The following TASP1 variants were observed in gnomAD, a reference collection of about 807,000 sequenced individuals.
TASP1 encodes threonine aspartase 1.
TASP1 carries 16 observed loss-of-function variants against 56.6 expected under a neutral mutation model. The ratio of observed to expected loss-of-function variants is 0.28; its 90% CI spans 0.19 to 0.43. TASP1 has a LOEUF of 0.43. Among genes scored for constraint, TASP1 ranks in the 20% least tolerant of loss-of-function variants. The probability of loss-of-function intolerance (pLI) is 1.00; values close to 1 mark genes in which losing one functional copy is unlikely to be tolerated. For synonymous variants in TASP1, 179 were observed against 184.2 expected (o/e 0.97, Z 0.23); for missense variants, 393 against 511.6 (o/e 0.77, Z 2.24).
chr20:13,195,321 C>T, the TASP1 span, among the ~76,000 whole-genome samples: 1 of 152,208 alleles, frequency 6.6e-6, no homozygotes, highest in Admixed American at 6.5e-5. Flanking sequence ...CCTGTTTGCA[C>T]CACACAACTT....
the TASP1 span, among the ~76,000 whole-genome samples, chr20:13,310,407 C>A: frequency 6.6e-6 from 1 of 152,094 alleles, no homozygotes; most frequent in Non-Finnish European, 1.5e-5. Context: ...TATCTCACCC[C>A]ACATATAATA....
chr20:13,377,830 A>T, the TASP1 span, among the ~76,000 whole-genome samples: 18 of 152,058 alleles, frequency 1.2e-4, no homozygotes, highest in African/African-American at 4.3e-4. Flanking sequence ...GAATTTATTC[A>T]TTTCTTCTAG....
chr20:13,618,281 C>T (rs536205184), intron 4 of TASP1, among the ~76,000 whole-genome samples: 2 of 152,072 alleles, frequency 1.3e-5, no homozygotes, highest in South Asian at 2.1e-4. Context: ...GGTGTGGTGG[C>T]GCACGCCTGT....
At position 13,486,496 on chromosome 20, in the gene TASP1, T is replaced by C. The variant is rs190799490; in HGVS notation, c.875-3159A>G. On this transcript the variant is annotated intron_variant, in intron 10 of 13. Transcript: ENST00000337743. Reference sequence around the variant, plus strand: ...CTTTGGAGGATGCTATGAAACCAACTCACTATTCTGAAAATTGATAAAAGA... The same window carrying C: ...CTTTGGAGGATGCTATGAAACCAACCCACTATTCTGAAAATTGATAAAAGA... 2.5e-3 allele frequency among the ~76,000 whole-genome samples: 383 copies of C among 152,272 alleles called. 1 individual carries two copies. The highest frequency in any genetic ancestry group is 6.8e-3 in the Middle Eastern group (2 of 294).
chr20:13,451,574 G>C (rs2043620299), intron 11 of TASP1, among the ~76,000 whole-genome samples: 1 of 152,076 alleles, frequency 6.6e-6, no homozygotes, highest in African/African-American at 2.4e-5. Context: ...ATCTCTGCTA[G>C]ATTCAACTTT....
chr20:13,498,796 C>CAAAAAAA (rs34158191), intron 10 of TASP1, among the ~76,000 whole-genome samples: 1 of 130,058 alleles, frequency 7.7e-6, no homozygotes. Flanking sequence ...ATAAAAAAGG[C>CAAAAAAA]AAAAAAAAAA....
At chr20:13,341,667 C>T in the TASP1 span, among the ~76,000 whole-genome samples, 1 of 152,228 alleles carries the variant, frequency 6.6e-6, no homozygotes, top group South Asian at 2.1e-4. Context: ...CAGAGTAACC[C>T]TATGGAGTTA....
At chr20:13,152,285 G>A in the TASP1 span, among the ~76,000 whole-genome samples, 3 of 152,178 alleles carry the variant, frequency 2.0e-5, no homozygotes, top group African/African-American at 2.4e-5. Context: ...TATAACAGTG[G>A]TGACATTACA....
intron 13 of TASP1, among the ~76,000 whole-genome samples, chr20:13,406,432 T>C (rs2041923066): frequency 6.6e-6 from 1 of 152,232 alleles, no homozygotes; most frequent in Non-Finnish European, 1.5e-5. Context: ...CTATGGCTTT[T>C]ACTATTTCTT....
At chr20:13,584,294 G>T (rs1040245512) in intron 5 of TASP1, among the ~76,000 whole-genome samples, 2 of 152,048 alleles carry the variant, frequency 1.3e-5, no homozygotes, top group Non-Finnish European at 2.9e-5. Context: ...TATAAATTAT[G>T]AGAGACTTTA....
At chr20:13,574,851 A>G (rs1444453686) in intron 6 of TASP1, among the ~76,000 whole-genome samples, 1 of 152,194 alleles carries the variant, frequency 6.6e-6, no homozygotes, top group East Asian at 1.9e-4. Context: ...TCTGTAAACT[A>G]CTACAAGAGG....
chr20:13,222,993 T>C, the TASP1 span, among the ~76,000 whole-genome samples: 244 of 151,952 alleles, frequency 1.6e-3, 1 homozygote, highest in African/African-American at 5.7e-3. Context: ...TGAAACCCCG[T>C]CTCTACTAAA....
At chr20:13,479,808 A>G (rs967796159) in intron 11 of TASP1, among the ~76,000 whole-genome samples, 1 of 152,158 alleles carries the variant, frequency 6.6e-6, no homozygotes, top group African/African-American at 2.4e-5. Flanking sequence ...TTCTTCATAC[A>G]AGTAGTTTAG....
At chr20:13,355,707 G>C in the TASP1 span, among the ~76,000 whole-genome samples, 2 of 152,316 alleles carry the variant, frequency 1.3e-5, no homozygotes, top group East Asian at 3.9e-4. Flanking sequence ...CCTTTGGAGT[G>C]CTCCATGGAC....
intron 6 of TASP1, among the ~76,000 whole-genome samples, chr20:13,577,121 G>A (rs1230739621): frequency 6.6e-6 from 1 of 152,222 alleles, no homozygotes; most frequent in African/African-American, 2.4e-5. Context: ...CAGAGATGGG[G>A]GTCACGGTGA....
the TASP1 span, among the ~76,000 whole-genome samples, chr20:13,170,441 T>A: frequency 6.6e-6 from 1 of 152,222 alleles, no homozygotes; most frequent in Admixed American, 6.5e-5. Flanking sequence ...ATGTAGGGAC[T>A]GGTTATTCTA....
the TASP1 span, among the ~76,000 whole-genome samples, chr20:13,203,661 A>G: frequency 1.3e-5 from 2 of 152,250 alleles, no homozygotes. Flanking sequence ...TTTAATTAGC[A>G]GTGATTTAGC....
chr20:13,465,621 G>A (rs1166502905), intron 11 of TASP1, among the ~76,000 whole-genome samples: 2 of 151,910 alleles, frequency 1.3e-5, no homozygotes, highest in African/African-American at 4.8e-5. Context: ...AACAAATTAT[G>A]GTGTGTCCAC....
chr20:13,543,858 C>A (rs2045711201), intron 8 of TASP1, among the ~76,000 whole-genome samples: 1 of 152,178 alleles, frequency 6.6e-6, no homozygotes. Flanking sequence ...GACATGTGAT[C>A]CAAACTCAGC....
Sources: allele counts gnomAD v4.1 joint callset (sites outside exome capture counted in the v4.1 genomes callset), GRCh38; gene constraint gnomAD v4.1.1; transcripts MANE v1.5; gene names NCBI Gene and HGNC (gene_info 2026-07-23, HGNC 2026-07-21).